The following PTPRR variants were observed in gnomAD, a reference collection of about 807,000 sequenced individuals.
PTPRR encodes the protein receptor-type tyrosine-protein phosphatase R.
PTPRR carries 38 observed loss-of-function variants against 77.2 expected under a neutral mutation model. The observed-to-expected ratio is 0.49, with a 90% CI of 0.38 to 0.65. PTPRR has a LOEUF of 0.65. Among genes scored for constraint, PTPRR ranks in the 30% least tolerant of loss-of-function variants. The pLI, the probability that PTPRR is intolerant of heterozygous loss-of-function variation, is 0.00. For missense variants in PTPRR, 744 were observed against 799.2 expected (o/e 0.93, Z 0.83); for synonymous variants, 299 against 283.1 (o/e 1.06, Z -0.57).
intron 2 of PTPRR, among the ~76,000 whole-genome samples, chr12:70,791,831 C>G (rs1592760222): frequency 6.6e-6 from 1 of 152,038 alleles, no homozygotes; most frequent in African/African-American, 2.4e-5. Context: ...TTTTGTTGAG[C>G]TGATTTCAGA....
At chr12:70,806,480 G>T (rs1040578322) in intron 2 of PTPRR, among the ~76,000 whole-genome samples, 1 of 152,210 alleles carries the variant, frequency 6.6e-6, no homozygotes, top group African/African-American at 2.4e-5. Flanking sequence ...CTGGGCTATG[G>T]AGTTTGAGTT....
chr12:70,708,297 A>G lies in PTPRR; in HGVS notation c.1008-6974T>C, dbSNP rs187347149. Among the ~76,000 whole-genome samples the G allele has an allele frequency of 1.7e-3, 252 of 152,200 alleles. 1 individual carries two copies. Among genetic ancestry groups the G allele is most frequent in the Non-Finnish European group, 4.0e-4 (27 of 68,004 alleles). ...CAAATGAATTGGTTAGGGGGATGCT[A>G]TATGTAATTACTGTGCTTTGACGGT... On this transcript the variant is annotated intron_variant, in intron 6 of 13. Transcript: ENST00000283228.
At chr12:70,683,375 A>T (rs958156631) in intron 10 of PTPRR, among the ~76,000 whole-genome samples, 1 of 152,208 alleles carries the variant, frequency 6.6e-6, no homozygotes, top group Non-Finnish European at 1.5e-5. Flanking sequence ...AAAATACAGA[A>T]TAAGTATTCT....
At chr12:70,737,850 A>G (rs922963302) in intron 6 of PTPRR, among the ~76,000 whole-genome samples, 2 of 152,096 alleles carry the variant, frequency 1.3e-5, no homozygotes, top group Non-Finnish European at 2.9e-5. Context: ...CTTCCAGGGT[A>G]TTTTTTACAC....
intron 8 of PTPRR, among the ~76,000 whole-genome samples, chr12:70,688,783 A>G (rs1887958580): frequency 6.6e-6 from 1 of 152,220 alleles, no homozygotes; most frequent in Non-Finnish European, 1.5e-5. Context: ...TTTGAAAACA[A>G]CTGGAGTGTC....
chr12:70,753,337 G>C (rs1890462614), intron 5 of PTPRR, among the ~76,000 whole-genome samples: 1 of 152,010 alleles, frequency 6.6e-6, no homozygotes, highest in Non-Finnish European at 1.5e-5. Flanking sequence ...ATGACTTTTG[G>C]GGGGCACTTA....
At position 70,762,193 on chromosome 12, in the gene PTPRR, A is replaced by G. The variant is rs149394312; in HGVS notation, c.472-567T>C. Among the ~76,000 whole-genome samples the G allele has an allele frequency of 2.2e-3, 328 of 152,278 alleles. 2 individuals are homozygous for G. The highest frequency in any genetic ancestry group is 7.6e-3 in the African/African-American group (316 of 41,548). ...GTCATTTGGTGGAAATGCATATCTT[A>G]TGTAGTGATGTCATGAGACTTTTCC... On this transcript the variant is annotated intron_variant, in intron 3 of 13. Transcript: ENST00000283228.
At chr12:70,870,175 C>T (rs758956072) in intron 2 of PTPRR, among the ~76,000 whole-genome samples, 6 of 152,144 alleles carry the variant, frequency 3.9e-5, no homozygotes, top group Admixed American at 6.5e-5. Flanking sequence ...CAATCATCTC[C>T]AGTTCTGATC....
intron 2 of PTPRR, among the ~76,000 whole-genome samples, chr12:70,872,694 CAAAAAAA>C (rs377557224): frequency 5.3e-3 from 231 of 43,442 alleles, no homozygotes; most frequent in African/African-American, 0.028. Flanking sequence ...GACTCTGTCT[CAAAAAAA>C]AAAAAAAAAA....
At chr12:70,866,451 C>G (rs1050415917) in intron 2 of PTPRR, among the ~76,000 whole-genome samples, 4 of 151,906 alleles carry the variant, frequency 2.6e-5, no homozygotes, top group African/African-American at 4.8e-5. Context: ...ATAAATTCCT[C>G]GACACATACA....
intron 13 of PTPRR, among the ~76,000 whole-genome samples, chr12:70,652,870 A>G (rs1886446523): frequency 6.6e-6 from 1 of 152,180 alleles, no homozygotes; most frequent in East Asian, 1.9e-4. Context: ...CCCAAGGTGG[A>G]GGTCAGGCTA....
intron 2 of PTPRR, among the ~76,000 whole-genome samples, chr12:70,889,938 G>T (rs906692104): frequency 1.3e-5 from 2 of 152,050 alleles, no homozygotes. Context: ...TCCTCAGTTT[G>T]CTCAGATTTC....
At chr12:70,890,419 G>A (rs186648313) in intron 2 of PTPRR, among the ~76,000 whole-genome samples, 346 of 152,258 alleles carry the variant, frequency 2.3e-3, no homozygotes, top group African/African-American at 7.9e-3. Context: ...GAATCAGGAA[G>A]GGAGGAGAGA....
intron 2 of PTPRR, among the ~76,000 whole-genome samples, chr12:70,773,266 G>T (rs1319011351): frequency 6.6e-6 from 1 of 152,080 alleles, no homozygotes; most frequent in Non-Finnish European, 1.5e-5. Context: ...CTTAGGTACT[G>T]GAAGGCTAGA....
chr12:70,744,873 T>A (rs1428856813), intron 6 of PTPRR, among the ~76,000 whole-genome samples: 3 of 152,178 alleles, frequency 2.0e-5, no homozygotes. Flanking sequence ...AATTAAAGCT[T>A]CTTATTTTAA....
In PTPRR at chr12:70,684,725, G is replaced by A. The variant is rs1205233988; in HGVS notation, c.1338C>T (p.Tyr446=). 1.2e-6 allele frequency: 2 copies of A among 1,602,066 alleles called. No homozygotes were observed. The highest frequency in any genetic ancestry group is 1.7e-5 in the Admixed American group (1 of 59,416). ...TTACCCTAATATAATTAGCATTAAT[G>A]TAGGTGCTCAATGAATCGGTTACAT... The part of the protein sequence containing the change: ...PKNVTDSLST[Y]INANYIRGYS... Residue 446 remains tyrosine, a synonymous_variant, in exon 9 of 14, where the codon TAC becomes TAT. Transcript: ENST00000283228.
intron 6 of PTPRR, among the ~76,000 whole-genome samples, chr12:70,707,342 T>G (rs1288631586): frequency 6.6e-6 from 1 of 152,124 alleles, no homozygotes; most frequent in Non-Finnish European, 1.5e-5. Context: ...AATCTAGATT[T>G]TTATTCAATA....
rs531937781 is a variant in PTPRR at position 70,780,338 on chromosome 12, G to A, written c.358-15560C>T. Among the ~76,000 whole-genome samples, 3 of 152,122 alleles carry A rather than the reference G, an allele frequency of 2.0e-5. No homozygotes were observed. In the East Asian group the frequency reaches 5.8e-4, roughly 29 times the overall value. On this transcript the variant is annotated intron_variant, in intron 2 of 13. Coordinates refer to ENST00000283228, the MANE Select transcript of PTPRR (RefSeq NM_002849.4). ...ATCAATATATATTTTATGCTATATTGGTTGTAAATTAAATTCAAATGTATC... is the reference window on the plus strand; with the variant it reads ...ATCAATATATATTTTATGCTATATTAGTTGTAAATTAAATTCAAATGTATC...
intron 2 of PTPRR, among the ~76,000 whole-genome samples, chr12:70,854,888 G>T (rs1421054228): frequency 2.0e-5 from 3 of 152,216 alleles, no homozygotes; most frequent in Non-Finnish European, 4.4e-5. Context: ...GTACATAGAA[G>T]ATGCTTGATA....
Sources: allele counts gnomAD v4.1 joint callset (sites outside exome capture counted in the v4.1 genomes callset), GRCh38; gene constraint gnomAD v4.1.1; transcripts MANE v1.5; gene names NCBI Gene and HGNC (gene_info 2026-07-23, HGNC 2026-07-21).